SIPA1L1: variants seen among roughly 807,000 people sequenced by gnomAD.
SIPA1L1 encodes signal induced proliferation associated 1 like 1.
Under a neutral mutation model 162.7 loss-of-function variants are expected in SIPA1L1, and 26 were observed. That is an observed-to-expected ratio of 0.16 (90% CI 0.12 to 0.22). SIPA1L1 has a LOEUF of 0.22. Ranked by LOEUF, SIPA1L1 falls within the 10% of genes least tolerant of loss-of-function variation. The probability of loss-of-function intolerance (pLI) is 1.00; values close to 1 mark genes in which losing one functional copy is unlikely to be tolerated. For missense variants in SIPA1L1, 1,874 were observed against 2,241.0 expected (o/e 0.84, Z 3.31); for synonymous variants, 829 against 837.4 (o/e 0.99, Z 0.17).
intron 5 of SIPA1L1, among the ~76,000 whole-genome samples, chr14:71,603,572 ACCTCAGCCT>A (rs1357862079): frequency 6.6e-6 from 1 of 151,896 alleles, no homozygotes; most frequent in Non-Finnish European, 1.5e-5. Flanking sequence ...TGATCCTCCC[ACCTCAGCCT>A]CCTGAATATC....
At chr14:71,648,277 C>A (rs1188031653) in intron 7 of SIPA1L1, among the ~76,000 whole-genome samples, 1 of 152,046 alleles carries the variant, frequency 6.6e-6, no homozygotes, top group Non-Finnish European at 1.5e-5. Flanking sequence ...TCAACAAGAG[C>A]GAAGCGAAAC....
chr14:71,464,954 A>G (rs2046882941), intron 2 of SIPA1L1, among the ~76,000 whole-genome samples: 1 of 151,942 alleles, frequency 6.6e-6, no homozygotes, highest in African/African-American at 2.4e-5. Flanking sequence ...AATCAACATT[A>G]TTTTTCCTGG....
intron 3 of SIPA1L1, 147 bp from the exon 4 acceptor site, chr14:71,529,165 G>T: frequency 5.1e-6 from 2 of 393,210 alleles, no homozygotes; most frequent in Non-Finnish European, 4.5e-6. Flanking sequence ...TTTCTCTAAT[G>T]TCTAATTTAA....
At chr14:71,451,431 C>G (rs764192015) in intron 2 of SIPA1L1, among the ~76,000 whole-genome samples, 6 of 151,912 alleles carry the variant, frequency 3.9e-5, no homozygotes, top group South Asian at 2.1e-4. Context: ...CCCTGGGGTT[C>G]AAAACCAGCC....
chr14:71,485,340 G>A lies in SIPA1L1; in HGVS notation c.-464-27403G>A, dbSNP rs141831158. On this transcript the variant is annotated intron_variant, in intron 2 of 23. Coordinates refer to ENST00000381232, the MANE Select transcript of SIPA1L1 (RefSeq NM_001386936.1). The stretch of plus-strand genomic sequence containing the variant: ...TGTGGCCTCTTGGGAACTGGGCTGC[G>A]TAGCAGGAGGTGAGCAGTGAGCAGG... Among the ~76,000 whole-genome samples, 84 of 152,330 alleles carry A rather than the reference G, an allele frequency of 5.5e-4. 2 individuals carry two copies. Among genetic ancestry groups the A allele is most frequent in the African/African-American group, 1.5e-3 (63 of 41,578 alleles).
At chr14:71,537,649 G>A (rs533820374) in intron 4 of SIPA1L1, among the ~76,000 whole-genome samples, 2 of 152,136 alleles carry the variant, frequency 1.3e-5, no homozygotes, top group South Asian at 4.2e-4. Context: ...GTGTGGGCGA[G>A]TGGGCTATCT....
intron 2 of SIPA1L1, among the ~76,000 whole-genome samples, chr14:71,332,183 G>T (rs1176985925): frequency 6.6e-6 from 1 of 152,160 alleles, no homozygotes; most frequent in Non-Finnish European, 1.5e-5. Flanking sequence ...ATTTTTGTTT[G>T]CATAGGTGGG....
intron 2 of SIPA1L1, among the ~76,000 whole-genome samples, chr14:71,342,410 C>T (rs1225503378): frequency 6.6e-6 from 1 of 152,178 alleles, no homozygotes; most frequent in African/African-American, 2.4e-5. Flanking sequence ...AAACTGCTTT[C>T]CACAGTGGCT....
Position 71,722,150 on chromosome 14 carries a change from C to G in SIPA1L1, c.4209-1497C>G, listed in dbSNP as rs74836404. ...GGTGGGGGAGGGAGCATAGGCGATG[C>G]AGGACCATCTTTCCCACCCTCTTCA... is the stretch of plus-strand genomic sequence containing the variant. On this transcript the variant is annotated intron_variant, in intron 17 of 23. Transcript: ENST00000381232. 8.8e-4 allele frequency among the ~76,000 whole-genome samples: 134 copies of G among 152,324 alleles called. 1 individual carries two copies. Among genetic ancestry groups the G allele is most frequent in the African/African-American group, 3.0e-3 (126 of 41,582 alleles).
In SIPA1L1 at chr14:71,730,210, C is replaced by T. The variant is rs374075309; in HGVS notation, c.4770C>T (p.Asn1590=). The T allele has an allele frequency of 1.5e-5, 25 of 1,614,044 alleles. No homozygotes were observed. The highest frequency in any genetic ancestry group is 2.7e-5 in the African/African-American group (2 of 74,914). Reference sequence around the variant, plus strand: ...CACTTCTGGACCAAGCCCTGCCCAACGACGTCCTCTTCAGTAGCACGTACC... The same window carrying T: ...CACTTCTGGACCAAGCCCTGCCCAATGACGTCCTCTTCAGTAGCACGTACC... ...RASLLDQALP[N]DVLFSSTYPS... Residue 1590 remains asparagine, a synonymous_variant, in exon 20 of 24, where the codon AAC becomes AAT. Coordinates refer to ENST00000381232, the MANE Select transcript of SIPA1L1 (RefSeq NM_001386936.1).
At chr14:71,450,123 T>A (rs2045704116) in intron 2 of SIPA1L1, among the ~76,000 whole-genome samples, 2 of 152,164 alleles carry the variant, frequency 1.3e-5, no homozygotes, top group East Asian at 3.8e-4. Context: ...AAATATATCT[T>A]TATATAATTT....
chr14:71,486,664 A>G (rs2048783990), intron 2 of SIPA1L1, among the ~76,000 whole-genome samples: 1 of 152,234 alleles, frequency 6.6e-6, no homozygotes, highest in African/African-American at 2.4e-5. Context: ...CTGCCTAACC[A>G]TCTTGCCAAA....
intron 4 of SIPA1L1, among the ~76,000 whole-genome samples, chr14:71,560,787 A>C (rs537047872): frequency 1.3e-5 from 2 of 152,318 alleles, no homozygotes; most frequent in African/African-American, 4.8e-5. Context: ...TGAGGACAGT[A>C]TGTATTAGAT....
chr14:71,357,711 G>A lies in SIPA1L1; in HGVS notation c.-465+36530G>A, dbSNP rs557849262. ...CAAGTAGTTGGTACTGTAGGCATGA[G>A]CCATCAATGCCGGCTAATTTTTGTT... On this transcript the variant is annotated intron_variant, in intron 2 of 23. Coordinates refer to ENST00000381232, the MANE Select transcript of SIPA1L1 (RefSeq NM_001386936.1). Among the ~76,000 whole-genome samples the A allele has an allele frequency of 5.7e-4, 87 of 152,200 alleles. 3 individuals are homozygous for A. The South Asian group carries it at 0.017, about 29-fold the overall frequency.
In SIPA1L1 at chr14:71,561,594, T is replaced by C. The variant is rs532867156; in HGVS notation, c.-302-25977T>C. 9.3e-4 allele frequency among the ~76,000 whole-genome samples: 141 copies of C among 152,364 alleles called. 1 individual carries two copies. The highest frequency in any genetic ancestry group is 2.7e-3 in the African/African-American group (112 of 41,590). Reference sequence around the variant, plus strand: ...TGGTAGTAAGGCTAAATATTTTCTTTCTTTTTGAGATGGAGTTTCATTCAC... The same window carrying C: ...TGGTAGTAAGGCTAAATATTTTCTTCCTTTTTGAGATGGAGTTTCATTCAC... On this transcript the variant is annotated intron_variant, in intron 4 of 23. Coordinates refer to ENST00000381232, the MANE Select transcript of SIPA1L1 (RefSeq NM_001386936.1).
intron 7 of SIPA1L1, among the ~76,000 whole-genome samples, chr14:71,626,850 G>A (rs2040043991): frequency 6.6e-6 from 1 of 151,762 alleles, no homozygotes; most frequent in African/African-American, 2.4e-5. Flanking sequence ...CCTATATTGT[G>A]GCATTTTGCC....
At chr14:71,402,281 A>T (rs1279191675) in intron 2 of SIPA1L1, among the ~76,000 whole-genome samples, 1 of 152,078 alleles carries the variant, frequency 6.6e-6, no homozygotes, top group Non-Finnish European at 1.5e-5. Flanking sequence ...TAAAAAAGGC[A>T]AGGATTTGGA....
At chr14:71,570,121 TATCCAGTTTCCCCAGGTAAACCAAC>T (rs1401674956) in intron 4 of SIPA1L1, among the ~76,000 whole-genome samples, 1 of 152,188 alleles carries the variant, frequency 6.6e-6, no homozygotes, top group Non-Finnish European at 1.5e-5. Flanking sequence ...TTTTCCCCTC[TATCCAGTTTCCCCAGGTAAACCAAC>T]TAGATCTCTA....
rs376342816 is a variant in SIPA1L1 at position 71,671,443 on chromosome 14, A to G, written c.2580A>G (p.Val860=). 1 of 1,614,178 alleles carries G rather than the reference A, an allele frequency of 6.2e-7. No individual in the cohort carries two copies. ...AGCTCAGCAGCATGGGGGCCATTGT[A>G]TGGGCAGTCCGGGCTGAAGACTACA... ...GAELSSMGAI[V]WAVRAEDYNK... Residue 860 remains valine (V), a synonymous_variant, in exon 11 of 24, where the codon GTA becomes GTG. Transcript: ENST00000381232.
Sources: gnomAD v4.1 joint callset for allele counts (sites outside exome capture counted in the v4.1 genomes callset) on GRCh38, gnomAD v4.1.1 for gene constraint, MANE v1.5 for transcripts, NCBI Gene and HGNC (gene_info 2026-07-23, HGNC 2026-07-21) for gene names.